Variants in ATP23 observed in about 807,000 individuals in gnomAD.
ATP23 encodes ATP23 metallopeptidase and ATP synthase assembly factor homolog, also known as mitochondrial inner membrane protease ATP23 homolog.
A neutral mutation model predicts 28.5 loss-of-function variants in ATP23; 24 were observed. That is an observed-to-expected ratio of 0.84 (90% CI 0.61 to 1.18). The LOEUF (loss-of-function observed/expected upper bound fraction) is 1.18. Ranked by LOEUF, ATP23 falls within the 50% of genes most tolerant of loss-of-function variation. The probability of loss-of-function intolerance (pLI) is 0.00; values close to 1 mark genes in which losing one functional copy is unlikely to be tolerated. For synonymous variants in ATP23, 99 were observed against 108.6 expected, an observed-to-expected ratio of 0.91 and a Z score of 0.55; for missense variants, 274 against 306.4, an observed-to-expected ratio of 0.89 and a Z score of 0.79.
At position 57,945,654 on chromosome 12, in the gene ATP23, G is replaced by A; in HGVS notation, c.214G>A (p.Ala72Thr). 6.2e-7 allele frequency: 1 copy of A among 1,613,742 alleles called. No homozygotes were observed. The highest frequency in any genetic ancestry group is 8.5e-7 in the Non-Finnish European group (1 of 1,179,888). Residue 72 changes from alanine to threonine, a missense_variant, in exon 2 of 6, where the codon GCT becomes ACT. Ala to Thr is a moderately conservative substitution (Grantham distance 58). Transcript: ENST00000300145. Reference protein sequence around the residue: ...TNPYVKLLLDAMKHSGCAVNK... With the variant: ...TNPYVKLLLDTMKHSGCAVNK... Reference sequence around the variant, plus strand: ...TCCATATGTCAAACTTCTGCTTGATGCTATGAAACACTCAGGTTGGTAAGT... The same window carrying A: ...TCCATATGTCAAACTTCTGCTTGATACTATGAAACACTCAGGTTGGTAAGT...
chr12:57,953,723 A>T (rs745865406), intron 5 of ATP23, 34 bp downstream of exon 5: 58 of 1,522,636 alleles, frequency 3.8e-5, no homozygotes, highest in Non-Finnish European at 5.3e-5. Context: ...TCCCCTCCAG[A>T]GTGTTACGAG....
chr12:57,942,762 G>T (rs540132615), intron 1 of ATP23, among the ~76,000 whole-genome samples: 2 of 151,922 alleles, frequency 1.3e-5, no homozygotes, highest in African/African-American at 4.8e-5. Flanking sequence ...AGAGTTAATA[G>T]CTTCATCATA....
At chr12:57,952,891 GC>G (rs1292082389) in intron 4 of ATP23, among the ~76,000 whole-genome samples, 1 of 152,222 alleles carries the variant, frequency 6.6e-6, no homozygotes, top group Non-Finnish European at 1.5e-5. Flanking sequence ...TGGTCAAGCT[GC>G]CTGTAGAATC....
intron 1 of ATP23, 129 bp downstream of exon 1, chr12:57,942,017 A>C (rs1956709835): frequency 1.7e-6 from 2 of 1,155,036 alleles, no homozygotes; most frequent in Non-Finnish European, 2.3e-6. Context: ...ACTGGGCATC[A>C]TGGGGGCTGG....
rs1454773839 is a variant in ATP23 at position 57,953,703 on chromosome 12, T to C, written c.537+14T>C. ...CAACACCACCAGGTAAAAACTAATA[T>C]GAAATCACTTCCCCTCCAGAGTGTT... On this transcript the variant is annotated intron_variant, in intron 5 of 5. Transcript: ENST00000300145. The C allele has an allele frequency of 6.3e-7, 1 of 1,590,684 alleles. No homozygotes were observed. Among genetic ancestry groups the C allele is most frequent in the Non-Finnish European group, 8.6e-7 (1 of 1,158,880 alleles).
intron 4 of ATP23, among the ~76,000 whole-genome samples, 167 bp from the exon 5 acceptor site, chr12:57,953,439 G>T (rs1565877303): frequency 6.6e-6 from 1 of 152,166 alleles, no homozygotes; most frequent in African/African-American, 2.4e-5. Flanking sequence ...TGCTCTCGTT[G>T]TCAATAGAGT....
chr12:57,946,456 T>G (rs1051117788), intron 2 of ATP23, among the ~76,000 whole-genome samples: 1 of 151,158 alleles, frequency 6.6e-6, no homozygotes, highest in Non-Finnish European at 1.5e-5. Flanking sequence ...ATTTTTTTTT[T>G]TTTTTTTTTT....
chr12:57,943,276 C>T (rs117868793), intron 1 of ATP23, among the ~76,000 whole-genome samples: 4 of 152,282 alleles, frequency 2.6e-5, no homozygotes, highest in East Asian at 1.9e-4. Context: ...GGTTCAAATG[C>T]GGATCCCTTT....
At chr12:57,949,872 C>T (rs2140534179) in intron 3 of ATP23, 1 of 152,182 alleles carries the variant, frequency 6.6e-6, no homozygotes, top group African/African-American at 2.4e-5. Context: ...CCCCATCTCC[C>T]CACTCAACCC....
At chr12:57,956,214 T>C (rs1165047169) in intron 5 of ATP23, among the ~76,000 whole-genome samples, 1 of 152,190 alleles carries the variant, frequency 6.6e-6, no homozygotes, top group Non-Finnish European at 1.5e-5. Context: ...TGGTTTCCTG[T>C]TGCCTCCAGA....
chr12:57,948,961 C>A (rs536148568), intron 3 of ATP23, among the ~76,000 whole-genome samples: 1 of 152,332 alleles, frequency 6.6e-6, no homozygotes, highest in South Asian at 2.1e-4. Context: ...TTTCCACCTT[C>A]AGCATTTGTG....
At position 57,941,761 on chromosome 12, in the gene ATP23, G is replaced by GCAA; in HGVS notation, c.63_65dup (p.Gln21dup). 3 of 1,599,962 alleles carry GCAA rather than the reference G, an allele frequency of 1.9e-6. No homozygotes were observed. The African/African-American group carries it at 4.0e-5, about 21-fold the overall frequency. On this transcript the variant is annotated inframe_insertion, in exon 1 of 6. Transcript: ENST00000300145. Reference sequence around the variant, plus strand: ...CCGCGGCAGGGGAGCAGCTGCAGCAGCAACACGTCTCTTGCCAGGTCTTCC... The same window carrying GCAA: ...CCGCGGCAGGGGAGCAGCTGCAGCAGCAACAACACGTCTCTTGCCAGGTCTTCC...
At chr12:57,942,004 C>T in intron 1 of ATP23, 116 bp downstream of exon 1, 2 of 1,261,172 alleles carry the variant, frequency 1.6e-6, no homozygotes, top group East Asian at 2.7e-5. Flanking sequence ...AGAGTCTAGA[C>T]AGACTGGGCA....
rs1286310888 is a variant in ATP23 at position 57,941,620 on chromosome 12, T to C, written c.-82T>C. ...CGGAGGGAGGGCCTGGGCGGTCGCGTTGGCGGGAGGGAGGTTACCTTTCCC... is the reference window on the plus strand; with the variant it reads ...CGGAGGGAGGGCCTGGGCGGTCGCGCTGGCGGGAGGGAGGTTACCTTTCCC... On this transcript the variant is annotated 5_prime_UTR_variant, in exon 1 of 6. Coordinates refer to ENST00000300145, the MANE Select transcript of ATP23 (RefSeq NM_033276.4). 1 of 1,515,210 alleles carries C rather than the reference T, an allele frequency of 6.6e-7. No homozygotes were observed. The highest frequency in any genetic ancestry group is 1.4e-5 in the African/African-American group (1 of 71,950). 93.9% of individuals were successfully genotyped at this position (1,515,210 alleles called of 1,614,324 possible). A position where few individuals can be genotyped will look rare whatever the true frequency, so the allele number is the denominator to read the frequency against.
chr12:57,944,160 C>T (rs764685139), intron 1 of ATP23, among the ~76,000 whole-genome samples: 3 of 151,100 alleles, frequency 2.0e-5, no homozygotes, highest in Non-Finnish European at 4.4e-5. Flanking sequence ...TAATATGGTG[C>T]CTGCTACCTG....
At chr12:57,948,674 G>A (rs1399050439) in intron 3 of ATP23, among the ~76,000 whole-genome samples, 1 of 152,070 alleles carries the variant, frequency 6.6e-6, no homozygotes, top group African/African-American at 2.4e-5. Context: ...ATAATAAAGT[G>A]CACACCTATG....
At chr12:57,943,693 G>T (rs904985390) in intron 1 of ATP23, among the ~76,000 whole-genome samples, 2 of 151,158 alleles carry the variant, frequency 1.3e-5, no homozygotes, top group African/African-American at 2.4e-5. Flanking sequence ...AAAAAAAAAA[G>T]TACTGATTTT....
At chr12:57,946,610 A>G (rs1956763904) in intron 2 of ATP23, among the ~76,000 whole-genome samples, 2 of 150,070 alleles carry the variant, frequency 1.3e-5, no homozygotes, top group Non-Finnish European at 3.0e-5. Flanking sequence ...GGCGCCCACC[A>G]CCACCCGGCT....
In ATP23 at chr12:57,958,451, A is replaced by G. The variant is rs1483022111; in HGVS notation, c.*1561A>G. Among the ~76,000 whole-genome samples the G allele has an allele frequency of 6.6e-6, 1 of 152,010 alleles. No individual in the cohort carries two copies. Among genetic ancestry groups the G allele is most frequent in the African/African-American group, 2.4e-5 (1 of 41,372 alleles). On this transcript the variant is annotated 3_prime_UTR_variant, in exon 6 of 6. Transcript: ENST00000300145. ...CAGCACAAAAATAGAGCCTTCAACCACCAAAGCTAAGAACCCTCATGGAGT... is the reference window on the plus strand; with the variant it reads ...CAGCACAAAAATAGAGCCTTCAACCGCCAAAGCTAAGAACCCTCATGGAGT...
Sources: allele counts gnomAD v4.1 joint callset (sites outside exome capture counted in the v4.1 genomes callset), GRCh38; gene constraint gnomAD v4.1.1; transcripts MANE v1.5; gene names NCBI Gene and HGNC (gene_info 2026-07-23, HGNC 2026-07-21).